The following EFHC1 variants were observed in gnomAD, a reference collection of about 807,000 sequenced individuals.
The protein encoded by EFHC1 is EF-hand domain-containing protein 1.
EFHC1 carries 53 observed loss-of-function variants against 69.9 expected under a neutral mutation model. The ratio of observed to expected loss-of-function variants is 0.76; its 90% confidence interval spans 0.61 to 0.95. The LOEUF is 0.95. Ranked by LOEUF, EFHC1 falls within the 40% of genes least tolerant of loss-of-function variation. EFHC1 has a pLI of 0.00. For missense variants in EFHC1, 739 were observed against 798.7 expected, an observed-to-expected ratio of 0.93 and a Z score of 0.90; for synonymous variants, 256 against 278.4, an observed-to-expected ratio of 0.92 and a Z score of 0.80.
At chr6:52,424,267 C>T (rs1399453837) in intron 2 of EFHC1, 100 bp downstream of exon 2, 2 of 1,166,868 alleles carry the variant, frequency 1.7e-6, no homozygotes, top group East Asian at 2.6e-5. Context: ...CCAAAGGGCT[C>T]TGAGGAGAAA....
chr6:52,428,876 A>G (rs1764358945), intron 2 of EFHC1, among the ~76,000 whole-genome samples: 1 of 152,180 alleles, frequency 6.6e-6, no homozygotes, highest in South Asian at 2.1e-4. Flanking sequence ...TGTTTTGATT[A>G]TGGCCATTCT....
At chr6:52,457,310 A>G (rs1030640888) in intron 5 of EFHC1, among the ~76,000 whole-genome samples, 2 of 152,238 alleles carry the variant, frequency 1.3e-5, no homozygotes, top group Non-Finnish European at 2.9e-5. Flanking sequence ...GTGGGCCTGA[A>G]AAACTAAAGA....
chr6:52,474,222 G>A (rs536689193), intron 7 of EFHC1, among the ~76,000 whole-genome samples: 4 of 152,272 alleles, frequency 2.6e-5, no homozygotes, highest in East Asian at 1.9e-4. Flanking sequence ...ACACTAAGGC[G>A]GGAGGATCAC....
At position 52,420,448 on chromosome 6, in the gene EFHC1, C is replaced by A; in HGVS notation, c.38C>A (p.Pro13Gln). 1 of 1,614,218 alleles carries A rather than the reference C, an allele frequency of 6.2e-7. No homozygotes were observed. Residue 13 changes from proline to glutamine, a missense_variant, in exon 1 of 11, where the codon CCG becomes CAG. By Grantham distance (76) the Pro-to-Gln change is moderately conservative (BLOSUM62 -1). Coordinates refer to ENST00000371068, the MANE Select transcript of EFHC1 (RefSeq NM_018100.4). ...SNPVHGLPFL[P>Q]GTSFKDSTKT... is the part of the protein sequence containing the mutation. ...CCCGTGCATGGCTTGCCCTTTCTTC[C>A]GGGCACGTCCTTTAAGGACTCTACG...
At position 52,495,407 on chromosome 6, in the gene EFHC1, G is replaced by T. The variant is rs749943478; in HGVS notation, c.*3066G>T. ...TTCTGATATTTTCTCCATCACTCTT[G>T]CCTCCTGTGGTAGAGGAGCTTTGGG... On this transcript the variant is annotated 3_prime_UTR_variant, in exon 11 of 11. Coordinates refer to ENST00000371068, the MANE Select transcript of EFHC1 (RefSeq NM_018100.4). The T allele has an allele frequency of 3.7e-5, 17 of 453,934 alleles. No individual in the cohort carries two copies. The highest frequency in any genetic ancestry group is 6.6e-5 in the Non-Finnish European group (15 of 226,794). 28.1% of individuals were successfully genotyped at this position (453,934 alleles called of 1,614,324 possible). A position where few individuals can be genotyped will look rare whatever the true frequency, so the allele number is the denominator to read the frequency against.
At chr6:52,478,519 T>C (rs533170239) in intron 7 of EFHC1, among the ~76,000 whole-genome samples, 5 of 152,228 alleles carry the variant, frequency 3.3e-5, no homozygotes, top group Non-Finnish European at 7.3e-5. Flanking sequence ...CTTTTTGAAT[T>C]TTATTTTTTA....
At chr6:52,461,550 A>G (rs1765167578) in intron 5 of EFHC1, among the ~76,000 whole-genome samples, 1 of 152,036 alleles carries the variant, frequency 6.6e-6, no homozygotes, top group Non-Finnish European at 1.5e-5. Context: ...TTTCTTTATG[A>G]TAGGATGATT....
At chr6:52,468,476 A>T (rs1765359627) in intron 6 of EFHC1, 1 of 152,232 alleles carries the variant, frequency 6.6e-6, no homozygotes, top group African/African-American at 2.4e-5. Context: ...AGTTTGTTAA[A>T]ATACAATAGG....
At chr6:52,436,286 C>G (rs1017470422) in intron 2 of EFHC1, among the ~76,000 whole-genome samples, 1 of 152,028 alleles carries the variant, frequency 6.6e-6, no homozygotes, top group African/African-American at 2.4e-5. Flanking sequence ...GTTTTAAGGC[C>G]TTCATTATAT....
At chr6:52,484,217 G>T (rs1765739957) in intron 9 of EFHC1, 1 of 152,086 alleles carries the variant, frequency 6.6e-6, no homozygotes, top group Non-Finnish European at 1.5e-5. Flanking sequence ...TATTCACCTA[G>T]GGCAGTATTT....
chr6:52,443,786 C>T (rs1476973734), intron 3 of EFHC1, among the ~76,000 whole-genome samples: 1 of 152,106 alleles, frequency 6.6e-6, no homozygotes, highest in Non-Finnish European at 1.5e-5. Context: ...TTTTTGGTTC[C>T]ATATGAACTT....
chr6:52,423,875 A>T, intron 1 of EFHC1, 71 bp from the exon 2 acceptor site: 1 of 1,603,120 alleles, frequency 6.2e-7, no homozygotes, highest in Non-Finnish European at 8.5e-7. Flanking sequence ...TATATTTTTA[A>T]AAGTTAGTTT....
intron 2 of EFHC1, among the ~76,000 whole-genome samples, chr6:52,429,634 C>T (rs1764375217): frequency 6.6e-6 from 1 of 152,062 alleles, no homozygotes; most frequent in Non-Finnish European, 1.5e-5. Flanking sequence ...TGTGATGCCT[C>T]CAGGTTTATT....
intron 3 of EFHC1, among the ~76,000 whole-genome samples, chr6:52,447,776 GT>G (rs1764820027): frequency 6.6e-6 from 1 of 152,184 alleles, no homozygotes; most frequent in Admixed American, 6.5e-5. Context: ...CTGTTTGTTA[GT>G]TTTCCTTCTA....
chr6:52,437,446 T>C (rs2113978321), intron 2 of EFHC1: 1 of 152,356 alleles, frequency 6.6e-6, no homozygotes. Flanking sequence ...AAACTTTTTC[T>C]GTAAAGGGCA....
At chr6:52,465,934 G>A (rs886518910) in intron 6 of EFHC1, among the ~76,000 whole-genome samples, 4 of 149,140 alleles carry the variant, frequency 2.7e-5, no homozygotes, top group African/African-American at 9.8e-5. Context: ...ATCATAATAT[G>A]GTTTATATTA....
At chr6:52,479,987 C>A in intron 9 of EFHC1, 200 bp downstream of exon 9, 4 of 824,680 alleles carry the variant, frequency 4.9e-6, no homozygotes, top group African/African-American at 1.7e-5. Context: ...TTAGCAAATA[C>A]AGTTGACCCT....
At chr6:52,437,481 A>G (rs942752170) in intron 2 of EFHC1, 1 of 152,260 alleles carries the variant, frequency 6.6e-6, no homozygotes, top group Admixed American at 6.5e-5. Context: ...TGGCCATTGC[A>G]GTGGTTTTAG....
rs533721734 is a variant in EFHC1 at position 52,478,833 on chromosome 6, G to A, written c.1279-204G>A. Among the ~76,000 whole-genome samples the A allele has an allele frequency of 1.5e-3, 234 of 152,304 alleles. 1 individual carries two copies. Among genetic ancestry groups the A allele is most frequent in the African/African-American group, 5.5e-3 (229 of 41,564 alleles). On this transcript the variant is annotated intron_variant, in intron 7 of 10. Transcript: ENST00000371068. ...ACAAGGCAACAATTGAGTTGAGTTG[G>A]TGCGGCCTCCCTTGGGAAGCTTCCC... is the stretch of plus-strand genomic sequence containing the variant.
Sources: allele counts gnomAD v4.1 joint callset (sites outside exome capture counted in the v4.1 genomes callset), GRCh38; gene constraint gnomAD v4.1.1; transcripts MANE v1.5; gene names NCBI Gene and HGNC (gene_info 2026-07-23, HGNC 2026-07-21).